SBK1: variants seen among roughly 807,000 people sequenced by gnomAD.
SBK1 encodes the protein serine/threonine-protein kinase SBK1.
In SBK1, 11 loss-of-function variants were observed where a neutral mutation model predicts 24.4. The ratio of observed to expected loss-of-function variants is 0.45; its 90% CI spans 0.28 to 0.75. SBK1 has a LOEUF of 0.75. SBK1 is among the 30% of genes least tolerant of loss of function. The probability of loss-of-function intolerance (pLI) is 0.12; values close to 1 mark genes in which losing one functional copy is unlikely to be tolerated. For synonymous variants in SBK1, 308 were observed against 284.4 expected (o/e 1.08, Z -0.83); for missense variants, 467 against 620.5 (o/e 0.75, Z 2.63).
chr16:28,320,728 GCGGCTCCC>G lies in SBK1; in HGVS notation c.1083_1090del (p.Ser361ArgfsTer86). 2 of 1,161,870 alleles carry G rather than the reference GCGGCTCCC, an allele frequency of 1.7e-6. No individual in the cohort carries two copies. Among genetic ancestry groups the G allele is most frequent in the Non-Finnish European group, 2.1e-6 (2 of 938,828 alleles). 72.0% of individuals were successfully genotyped at this position (1,161,870 alleles called of 1,614,324 possible). A position where few individuals can be genotyped will look rare whatever the true frequency, so the allele number is the denominator to read the frequency against. On this transcript the variant is annotated frameshift_variant, in exon 4 of 4. Transcript: ENST00000341901. LOFTEE classifies it high-confidence loss of function. This position sits in a 1 kb window ranked among gnomAD's most constrained non-coding sequence, Gnocchi z 8.5. ...CGGACGGTGCTGACCGAGAGCGGCA[GCGGCTCCC>G]GGCCCGCGCCCCCCGCCGTCGGGTC...
intron 1 of SBK1, among the ~76,000 whole-genome samples, chr16:28,310,411 G>A (rs1423159860): frequency 2.0e-5 from 3 of 152,186 alleles, no homozygotes; most frequent in African/African-American, 7.2e-5. Flanking sequence ...CCTCTTCTGG[G>A]CCTCAGTTTC....
chr16:28,293,212 G>C lies in SBK1; in HGVS notation c.-96G>C. On this transcript the variant is annotated 5_prime_UTR_variant, in exon 1 of 4. Transcript: ENST00000341901. ...ACCGCTTGCACCCCGGTCCATGGTC[G>C]TGGCGCCCTGAGCCCCCGGGGCCGG... 2.0e-6 allele frequency: 2 copies of C among 985,432 alleles called. No individual in the cohort carries two copies. Among genetic ancestry groups the C allele is most frequent in the South Asian group, 4.7e-5 (1 of 21,292 alleles). The allele number at this position is 985,432 out of a possible 1,614,324, so 61.0% of individuals were successfully genotyped here. A position where few individuals can be genotyped will look rare whatever the true frequency, so the allele number is the denominator to read the frequency against.
At chr16:28,311,303 G>A (rs2044753427) in intron 1 of SBK1, among the ~76,000 whole-genome samples, 1 of 152,168 alleles carries the variant, frequency 6.6e-6, no homozygotes, top group Non-Finnish European at 1.5e-5. Flanking sequence ...GCAGAGACAG[G>A]AGTCAGCACG....
In SBK1 at chr16:28,259,740, T is replaced by A. The variant is rs2044385624; in HGVS notation, c.257+238T>A. 6.6e-6 allele frequency among the ~76,000 whole-genome samples: 1 copy of A among 152,142 alleles called. No homozygotes were observed. The highest frequency in any genetic ancestry group is 2.4e-5 in the African/African-American group (1 of 41,440). On this transcript the variant is annotated intron_variant, in intron 1 of 3. Transcript: ENST00000671413. This position sits in a 1 kb window ranked among gnomAD's most constrained non-coding sequence, Gnocchi z 6.0. ...TTCACGTCCTCTCCCACAGTGAGCATGTCCCTCCCCTGCTCAGAGCCCTCC... is the reference window on the plus strand; with the variant it reads ...TTCACGTCCTCTCCCACAGTGAGCAAGTCCCTCCCCTGCTCAGAGCCCTCC...
intron 1 of SBK1, among the ~76,000 whole-genome samples, chr16:28,300,117 T>G (rs2044668927): frequency 6.6e-6 from 1 of 152,230 alleles, no homozygotes; most frequent in South Asian, 2.1e-4. Context: ...GCCTCCAAAC[T>G]AGAATATGAG....
intron 1 of SBK1, among the ~76,000 whole-genome samples, chr16:28,298,885 G>A (rs1251422746): frequency 2.6e-5 from 4 of 152,236 alleles, no homozygotes; most frequent in East Asian, 1.9e-4. Context: ...GCTGTATAGC[G>A]CTGGGCCCCC....
At position 28,292,532 on chromosome 16, in the gene SBK1, C is replaced by G. The variant is rs1320169036; in HGVS notation, c.-776C>G. On this transcript the variant is annotated 5_prime_UTR_variant, in exon 1 of 4. Coordinates refer to ENST00000341901, the MANE Select transcript of SBK1 (RefSeq NM_001024401.3). Reference sequence around the variant, plus strand: ...GCTGGAGGGCGGAGCCGCGATGCCGCGATGGAGCGCAGCCCGGGCGGGCGC... The same window carrying G: ...GCTGGAGGGCGGAGCCGCGATGCCGGGATGGAGCGCAGCCCGGGCGGGCGC... 3.1e-6 allele frequency: 3 copies of G among 977,756 alleles called. No homozygotes were observed. The allele number at this position is 977,756 out of a possible 1,614,324, so 60.6% of individuals were successfully genotyped here.
chr16:28,265,276 G>A (rs1231087734), intron 1 of SBK1, among the ~76,000 whole-genome samples: 1 of 151,762 alleles, frequency 6.6e-6, no homozygotes, highest in Non-Finnish European at 1.5e-5. Flanking sequence ...AATAAAAGCC[G>A]GGCATCATGG....
intron 1 of SBK1, 37 bp downstream of exon 1, chr16:28,293,337 GC>G: frequency 2.1e-6 from 2 of 948,630 alleles, no homozygotes; most frequent in Non-Finnish European, 2.5e-6. Context: ...CAGGTGAGTG[GC>G]CACCGAGGTC....
At chr16:28,260,467 C>T (rs906333081) in intron 1 of SBK1, among the ~76,000 whole-genome samples, 1 of 152,232 alleles carries the variant, frequency 6.6e-6, no homozygotes, top group Non-Finnish European at 1.5e-5. Context: ...ACTACCCTGC[C>T]CTGGGTGGGG....
intron 1 of SBK1, among the ~76,000 whole-genome samples, chr16:28,314,119 A>G (rs2141588961): frequency 6.8e-6 from 1 of 148,070 alleles, no homozygotes; most frequent in Non-Finnish European, 1.5e-5. Context: ...GGGAGAAGGC[A>G]CTGTTGTTGT....
At chr16:28,284,983 GTT>G (rs1406429044) in intron 1 of SBK1, 1 of 152,244 alleles carries the variant, frequency 6.6e-6, no homozygotes, top group Non-Finnish European at 1.5e-5. Flanking sequence ...GTCTCACTCT[GTT>G]GCCCAGGCTG....
intron 1 of SBK1, among the ~76,000 whole-genome samples, chr16:28,305,834 C>T (rs532779262): frequency 6.6e-6 from 1 of 152,346 alleles, no homozygotes; most frequent in South Asian, 2.1e-4. Flanking sequence ...AGCTACCGCA[C>T]CCAGCCCTGA....
At position 28,292,712 on chromosome 16, in the gene SBK1, C is replaced by T; in HGVS notation, c.-596C>T. On this transcript the variant is annotated 5_prime_UTR_variant, in exon 1 of 4. Transcript: ENST00000341901. ...GGGGCTTCCAGCGCCCGCCGGTGGCCGGGACCCACTAAAGCCCCCGCAGCC... is the reference window on the plus strand; with the variant it reads ...GGGGCTTCCAGCGCCCGCCGGTGGCTGGGACCCACTAAAGCCCCCGCAGCC... 1 of 984,580 alleles carries T rather than the reference C, an allele frequency of 1.0e-6. No individual in the cohort carries two copies. Among genetic ancestry groups the T allele is most frequent in the Non-Finnish European group, 1.2e-6 (1 of 829,370 alleles). 61.0% of individuals were successfully genotyped at this position (984,580 alleles called of 1,614,324 possible). A position where few individuals can be genotyped will look rare whatever the true frequency, so the allele number is the denominator to read the frequency against.
intron 1 of SBK1, among the ~76,000 whole-genome samples, chr16:28,312,123 CA>C (rs1328811817): frequency 6.6e-6 from 1 of 152,246 alleles, no homozygotes; most frequent in Non-Finnish European, 1.5e-5. Flanking sequence ...AAAAGTAGGT[CA>C]GGGGAGCAGC....
chr16:28,311,900 T>G (rs952277262), intron 1 of SBK1, among the ~76,000 whole-genome samples: 1 of 152,168 alleles, frequency 6.6e-6, no homozygotes, highest in Non-Finnish European at 1.5e-5. Context: ...AGGGCAGAGA[T>G]AAGCCAAGCA....
chr16:28,264,900 C>T (rs1347908132), intron 1 of SBK1, among the ~76,000 whole-genome samples: 1 of 151,940 alleles, frequency 6.6e-6, no homozygotes, highest in African/African-American at 2.4e-5. Flanking sequence ...TGGGCAGTCA[C>T]GGAAACCAAG....
At chr16:28,304,770 G>A (rs1331339798) in intron 1 of SBK1, among the ~76,000 whole-genome samples, 1 of 151,512 alleles carries the variant, frequency 6.6e-6, no homozygotes, top group Non-Finnish European at 1.5e-5. Context: ...ACCACGCCCA[G>A]CTAATTTTTT....
In SBK1 at chr16:28,320,814, C is replaced by T. The variant is rs1004434324; in HGVS notation, c.1168C>T (p.Pro390Ser). 1.2e-5 allele frequency: 18 copies of T among 1,449,970 alleles called. No individual in the cohort carries two copies. In the Admixed American group the frequency reaches 2.2e-4, roughly 18 times the overall value. The allele number at this position is 1,449,970 out of a possible 1,614,324, so 89.8% of individuals were successfully genotyped here. ...GCCAGTGCCCGTGCCGGTGCCTGTG[C>T]CCGAGCCCGGCCTAGCTCCCCAGGG... ...PVPVPVPVPV[P>S]EPGLAPQGPP... Residue 390 changes from proline to serine, a missense_variant, in exon 4 of 4, where the codon CCC (proline) becomes TCC (serine). By Grantham distance (74) the Pro-to-Ser change is moderately conservative. Around this residue, in one of 4 missense-constraint regions of SBK1, gnomAD observed 166 missense variants for 146.8 expected, o/e 1.13. Coordinates refer to ENST00000341901, the MANE Select transcript of SBK1 (RefSeq NM_001024401.3). The surrounding 1 kb of genome is among the most constrained non-coding windows in gnomAD (Gnocchi z 8.5).
Sources: gnomAD v4.1 joint callset for allele counts (sites outside exome capture counted in the v4.1 genomes callset) on GRCh38, gnomAD v4.1.1 for gene constraint, gnomAD v4.1.1 regional missense constraint, Gnocchi (gnomAD v3.1) non-coding constraint, MANE v1.5 for transcripts, NCBI Gene and HGNC (gene_info 2026-07-23, HGNC 2026-07-21) for gene names.